The following SLC22A14 variants were observed in gnomAD, a reference collection of about 807,000 sequenced individuals.
SLC22A14 encodes organic cation transporter-like 4.
A neutral mutation model predicts 53.9 loss-of-function variants in SLC22A14; 50 were observed. That is an observed-to-expected ratio of 0.93 (90% CI 0.74 to 1.17). The LOEUF (loss-of-function observed/expected upper bound fraction) is 1.17. SLC22A14 is among the 50% of genes most tolerant of loss of function. SLC22A14 has a pLI of 0.00. For synonymous variants in SLC22A14, 312 were observed against 303.0 expected, an observed-to-expected ratio of 1.03 and a Z score of -0.31; for missense variants, 671 against 734.7, an observed-to-expected ratio of 0.91 and a Z score of 1.00.
chr3:38,300,439 C>A (rs77978958), intron 1 of SLC22A14, among the ~76,000 whole-genome samples: 5,363 of 149,990 alleles, frequency 0.036, 307 homozygotes, highest in African/African-American at 0.12. Flanking sequence ...GACTTCATCT[C>A]AAAAAAAAAT....
intron 2 of SLC22A14, among the ~76,000 whole-genome samples, chr3:38,306,875 C>T (rs963876291): frequency 2.0e-5 from 3 of 152,308 alleles, no homozygotes; most frequent in South Asian, 4.1e-4. Context: ...GCATCTCTTA[C>T]GGGGCTTCCC....
At chr3:38,299,953 A>C (rs1380851888) in intron 1 of SLC22A14, among the ~76,000 whole-genome samples, 2 of 152,228 alleles carry the variant, frequency 1.3e-5, no homozygotes, top group Non-Finnish European at 2.9e-5. Context: ...TTTGTGATAC[A>C]ATCAATGCTG....
At chr3:38,292,175 A>C (rs1338958733) in intron 1 of SLC22A14, among the ~76,000 whole-genome samples, 1 of 152,248 alleles carries the variant, frequency 6.6e-6, no homozygotes, top group African/African-American at 2.4e-5. Flanking sequence ...AAAGGACAAG[A>C]GTGTCCAGGT....
At chr3:38,284,148 C>A (rs1425562203) in intron 1 of SLC22A14, among the ~76,000 whole-genome samples, 1 of 152,184 alleles carries the variant, frequency 6.6e-6, no homozygotes, top group East Asian at 1.9e-4. Flanking sequence ...AGGCATCCCC[C>A]TCGTGTGACT....
chr3:38,291,280 C>T (rs1479148892), intron 1 of SLC22A14, among the ~76,000 whole-genome samples: 1 of 152,154 alleles, frequency 6.6e-6, no homozygotes, highest in Non-Finnish European at 1.5e-5. Context: ...TCAAGGGAAC[C>T]TCTAGAAGGT....
chr3:38,284,828 A>G (rs997707964), intron 1 of SLC22A14, among the ~76,000 whole-genome samples: 1 of 152,156 alleles, frequency 6.6e-6, no homozygotes, highest in Admixed American at 6.5e-5. Flanking sequence ...AGCAATACAA[A>G]TTATAAGACC....
In SLC22A14 at chr3:38,318,468, G is replaced by A. The variant is rs1704680711; in HGVS notation, c.*219G>A. The A allele has an allele frequency of 1.8e-5, 10 of 563,604 alleles. 1 individual carries two copies. The South Asian group carries it at 2.1e-4, about 12-fold the overall frequency. The allele number at this position is 563,604 out of a possible 1,614,324, so 34.9% of individuals were successfully genotyped here. A position where few individuals can be genotyped will look rare whatever the true frequency, so the allele number is the denominator to read the frequency against. ...CCAGGCCTAGTTCAGTCTGGGGGCA[G>A]GGTCAGTCCTTCTCCCAGGCCAGCC... On this transcript the variant is annotated 3_prime_UTR_variant, in exon 11 of 11. Coordinates refer to ENST00000448498, the MANE Select transcript of SLC22A14 (RefSeq NM_001320033.2).
rs547214648 is a variant in SLC22A14, at chr3:38,313,008, G to A, written c.954G>A (p.Pro318=). Residue 318 remains proline, a synonymous_variant, in exon 6 of 11, where the codon CCG becomes CCA. Transcript: ENST00000448498. ...GGGGCTGGCCACGCAGGATTCTCCC[G>A]GAGTCCCCGCGGTGGCTGATGATGA... ...IPFISYIWIL[P]ESPRWLMMKG... 212 of 1,581,286 alleles carry A rather than the reference G, an allele frequency of 1.3e-4. 2 individuals carry two copies. Among genetic ancestry groups the A allele is most frequent in the South Asian group, 6.8e-4 (59 of 86,364 alleles).
upstream of SLC22A14, among the ~76,000 whole-genome samples, chr3:38,279,816 G>A (rs960361124): frequency 1.3e-5 from 2 of 152,136 alleles, no homozygotes; most frequent in African/African-American, 2.4e-5. Flanking sequence ...CTCCTCAAAG[G>A]TTACGGCAAT....
chr3:38,290,137 A>G (rs1049243834), intron 1 of SLC22A14, among the ~76,000 whole-genome samples: 1 of 152,094 alleles, frequency 6.6e-6, no homozygotes, highest in Admixed American at 6.5e-5. Flanking sequence ...AGGCTTAGGG[A>G]TTCTTAGTTG....
chr3:38,309,236 T>G (rs994812838), intron 5 of SLC22A14, 114 bp downstream of exon 5: 38 of 909,436 alleles, frequency 4.2e-5, no homozygotes, highest in Non-Finnish European at 5.3e-6. Context: ...TGGGAGAAAG[T>G]GCATGTGGAT....
At chr3:38,316,210 A>G (rs1704612884) in intron 9 of SLC22A14, 114 bp from the exon 10 acceptor site, 2 of 885,458 alleles carry the variant, frequency 2.3e-6, no homozygotes, top group African/African-American at 3.3e-5. Context: ...GAATCACACA[A>G]TGAGGATGGG....
At position 38,318,240 on chromosome 3, in the gene SLC22A14, T is replaced by G. The variant is rs944871891; in HGVS notation, c.1776T>G (p.Asp592Glu). The G allele has an allele frequency of 6.2e-7, 1 of 1,614,030 alleles. No individual in the cohort carries two copies. The highest frequency in any genetic ancestry group is 8.5e-7 in the Non-Finnish European group (1 of 1,179,884). Residue 592 changes from aspartate (D) to glutamate (E), a missense_variant, in exon 11 of 11, where the codon GAT becomes GAG. Physicochemically the swap from Asp to Glu is conservative, Grantham distance 45. Transcript: ENST00000448498. ...KDMKTKETSS[D>E]DV ...TGAAGACTAAGGAAACATCATCTGA[T>G]GATGTCTGAGGAAGCGGCCAAGAAT... is the stretch of plus-strand genomic sequence containing the variant.
At chr3:38,296,771 C>G (rs1164734592) in intron 1 of SLC22A14, among the ~76,000 whole-genome samples, 1 of 152,196 alleles carries the variant, frequency 6.6e-6, no homozygotes, top group Non-Finnish European at 1.5e-5. Flanking sequence ...GACTAGTGTT[C>G]AGCTCAATTG....
rs1704356402 is a variant in SLC22A14, at chr3:38,307,926, G to A, written c.775+206G>A. 1 of 594,800 alleles carries A rather than the reference G, an allele frequency of 1.7e-6. No individual in the cohort carries two copies. Among genetic ancestry groups the A allele is most frequent in the African/African-American group, 1.9e-5 (1 of 53,680 alleles). 36.8% of individuals were successfully genotyped at this position (594,800 alleles called of 1,614,324 possible). On this transcript the variant is annotated intron_variant, in intron 4 of 10. Coordinates refer to ENST00000448498, the MANE Select transcript of SLC22A14 (RefSeq NM_001320033.2). This position sits in a 1 kb window ranked among gnomAD's most constrained non-coding sequence, Gnocchi z 4.4. ...AGGACACAGAGTCAGGGGCCTAATT[G>A]GACAGGCAGAAGTGGAAGGGATCTC... is the stretch of plus-strand genomic sequence containing the variant.
At chr3:38,302,566 A>G (rs1575413527) in intron 1 of SLC22A14, among the ~76,000 whole-genome samples, 1 of 151,900 alleles carries the variant, frequency 6.6e-6, no homozygotes, top group African/African-American at 2.4e-5. Flanking sequence ...CTGAGGTGGG[A>G]AGATTGCTTG....
rs774910453 is a variant in SLC22A14 at position 38,313,788 on chromosome 3, G to A, written c.1225G>A (p.Val409Ile). The change falls in exon 8 of 11, where the codon GTC becomes ATC. Residue 409 changes from valine to isoleucine, a missense_variant. Transcript: ENST00000448498. Reference sequence around the variant, plus strand: ...GAGAATGAGAGAGCTGGGCGTGAGCGTCCACTTCAGACACGTGGTCCCCAG... The same window carrying A: ...GAGAATGAGAGAGCTGGGCGTGAGCATCCACTTCAGACACGTGGTCCCCAG... ...SLRMRELGVS[V>I]HFRHVVPSIM... is the part of the protein sequence containing the mutation. 27 of 1,607,524 alleles carry A rather than the reference G, an allele frequency of 1.7e-5. No homozygotes were observed. Among genetic ancestry groups the A allele is most frequent in the Middle Eastern group, 1.7e-4 (1 of 6,040 alleles).
At chr3:38,286,702 G>A (rs768101377) in intron 1 of SLC22A14, among the ~76,000 whole-genome samples, 4 of 149,702 alleles carry the variant, frequency 2.7e-5, no homozygotes, top group Non-Finnish European at 3.0e-5. Flanking sequence ...GTGAGCCACC[G>A]TGCCTGGCCC....
chr3:38,297,888 C>T (rs1704075158), intron 1 of SLC22A14, among the ~76,000 whole-genome samples: 1 of 152,124 alleles, frequency 6.6e-6, no homozygotes. Context: ...ATCTGTTTCT[C>T]ATATTTTCAT....
Sources: allele counts gnomAD v4.1 joint callset (sites outside exome capture counted in the v4.1 genomes callset), GRCh38; gene constraint gnomAD v4.1.1; non-coding constraint Gnocchi (gnomAD v3.1); transcripts MANE v1.5; gene names NCBI Gene and HGNC (gene_info 2026-07-23, HGNC 2026-07-21).